Variants in AP1S3 observed in about 807,000 individuals in gnomAD.
AP1S3 encodes the protein AP-1 complex subunit sigma-3.
A neutral mutation model predicts 20.9 loss-of-function variants in AP1S3; 10 were observed. The ratio of observed to expected loss-of-function variants is 0.48; its 90% CI spans 0.29 to 0.81. AP1S3 has a LOEUF of 0.81. Among genes scored for constraint, AP1S3 ranks in the 30% least tolerant of loss-of-function variants. The pLI is 0.08. For synonymous variants in AP1S3, 41 were observed against 61.5 expected (o/e 0.67, Z 1.56); for missense variants, 154 against 183.8 (o/e 0.84, Z 0.94).
chr2:223,812,960 G>A (rs535816045), intron 1 of AP1S3, among the ~76,000 whole-genome samples: 1 of 151,686 alleles, frequency 6.6e-6, no homozygotes, highest in South Asian at 2.1e-4. Context: ...ATAGAGTCCT[G>A]TTCTGTCGCC....
intron 1 of AP1S3, among the ~76,000 whole-genome samples, chr2:223,801,318 G>C (rs7557995): frequency 0.33 from 50,749 of 152,030 alleles, 8,835 homozygotes; most frequent in Middle Eastern, 0.4. Flanking sequence ...TTTGATTCCA[G>C]AGCCCATTCT....
intron 1 of AP1S3, among the ~76,000 whole-genome samples, chr2:223,795,766 CAA>C (rs1691322822): frequency 6.6e-6 from 1 of 152,120 alleles, no homozygotes; most frequent in African/African-American, 2.4e-5. Flanking sequence ...ATAGGAAAAA[CAA>C]TGATAAGGAC....
intron 3 of AP1S3, among the ~76,000 whole-genome samples, chr2:223,774,224 G>T (rs1195296066): frequency 6.6e-6 from 1 of 152,150 alleles, no homozygotes; most frequent in African/African-American, 2.4e-5. Flanking sequence ...AATGAGCCGG[G>T]CATGGTGGCG....
At position 223,809,970 on chromosome 2, in the gene AP1S3, A is replaced by G. The variant is rs1008460386; in HGVS notation, c.3+27478T>C. On this transcript the variant is annotated intron_variant, in intron 1 of 4. Transcript: ENST00000396654. Reference sequence around the variant, plus strand: ...TCTCAAACTCCTGACCTCGTGATCCACCCGCCTCGGCCTCCCAAAGTGCTG... The same window carrying G: ...TCTCAAACTCCTGACCTCGTGATCCGCCCGCCTCGGCCTCCCAAAGTGCTG... Among the ~76,000 whole-genome samples the G allele has an allele frequency of 4.0e-5, 6 of 151,540 alleles. No homozygotes were observed. The South Asian group carries it at 1.3e-3, about 32-fold the overall frequency.
chr2:223,790,372 C>T (rs1006260280), intron 1 of AP1S3, among the ~76,000 whole-genome samples: 29 of 151,880 alleles, frequency 1.9e-4, no homozygotes, highest in African/African-American at 6.5e-4. Context: ...GCTGGGATTA[C>T]AGGCACCTGT....
rs542522966 is a variant in AP1S3 at position 223,759,064 on chromosome 2, T to C, written c.430-314A>G. 2.6e-5 allele frequency among the ~76,000 whole-genome samples: 4 copies of C among 152,156 alleles called. No homozygotes were observed. The South Asian group carries it at 8.3e-4, about 32-fold the overall frequency. ...ATACCAGCACTTTGGGAGGCTGAGG[T>C]GGGCAGATCACCTGAGGCCAGCCTG... is the stretch of plus-strand genomic sequence containing the variant. On this transcript the variant is annotated intron_variant, in intron 4 of 4. Transcript: ENST00000396654.
chr2:223,784,678 T>A (rs1232815245), intron 1 of AP1S3, among the ~76,000 whole-genome samples: 1 of 152,146 alleles, frequency 6.6e-6, no homozygotes, highest in Admixed American at 6.5e-5. Context: ...AGTGCCCATA[T>A]CTTTGGTTTC....
In AP1S3 at chr2:223,755,838, T is replaced by C; in HGVS notation, c.*2877A>G. The C allele has an allele frequency of 4.1e-6, 4 of 985,370 alleles. No individual in the cohort carries two copies. Among genetic ancestry groups the C allele is most frequent in the Non-Finnish European group, 4.8e-6 (4 of 829,900 alleles). The allele number at this position is 985,370 out of a possible 1,614,324, so 61.0% of individuals were successfully genotyped here. ...AGCCACCTTGCCCAGAAGAGATATATTTACTTTCTATGTGTGACACTGATT... is the reference window on the plus strand; with the variant it reads ...AGCCACCTTGCCCAGAAGAGATATACTTACTTTCTATGTGTGACACTGATT... On this transcript the variant is annotated 3_prime_UTR_variant, in exon 5 of 5. Transcript: ENST00000396654.
intron 1 of AP1S3, among the ~76,000 whole-genome samples, chr2:223,822,337 C>A (rs970076093): frequency 6.6e-6 from 1 of 151,640 alleles, no homozygotes; most frequent in African/African-American, 2.4e-5. Flanking sequence ...GAGCCATGAT[C>A]ACTCCACTGC....
chr2:223,837,462 C>T lies in AP1S3; in HGVS notation c.-12G>A. ...CCCGCACTCACCATCGTGGCTGGGC[C>T]GCCGCCTCCCCCGCCTTGCGAGCAA... On this transcript the variant is annotated 5_prime_UTR_variant, in exon 1 of 5. Coordinates refer to ENST00000396654, the MANE Select transcript of AP1S3 (RefSeq NM_001039569.2). 7.8e-7 allele frequency: 1 copy of T among 1,283,750 alleles called. No individual in the cohort carries two copies. The highest frequency in any genetic ancestry group is 9.9e-7 in the Non-Finnish European group (1 of 1,013,474). 79.5% of individuals were successfully genotyped at this position (1,283,750 alleles called of 1,614,324 possible).
chr2:223,793,622 A>G (rs916077120), intron 1 of AP1S3, among the ~76,000 whole-genome samples: 1 of 152,086 alleles, frequency 6.6e-6, no homozygotes, highest in Non-Finnish European at 1.5e-5. Context: ...ATCAGGAAGA[A>G]TAGCTAAGGG....
intron 1 of AP1S3, among the ~76,000 whole-genome samples, chr2:223,788,334 C>T (rs376647047): frequency 1.4e-5 from 2 of 147,150 alleles, no homozygotes; most frequent in Non-Finnish European, 3.0e-5. Flanking sequence ...GATATTTGGC[C>T]GGGCGTGGTG....
chr2:223,800,210 G>A lies in AP1S3; in HGVS notation c.4-22341C>T, dbSNP rs1183599907. ...AGCCTGGGCAACAAAGCGAGATTGC[G>A]TCTAAAAAAAAAAAAAAAAGAAAAA... On this transcript the variant is annotated intron_variant, in intron 1 of 4. Transcript: ENST00000396654. 2.4e-5 allele frequency among the ~76,000 whole-genome samples: 3 copies of A among 127,164 alleles called. No homozygotes were observed. In the East Asian group the frequency reaches 6.5e-4, roughly 28 times the overall value. The allele number at this position is 127,164 out of a possible 152,430, so 83.4% of individuals were successfully genotyped here. A position where few individuals can be genotyped will look rare whatever the true frequency, so the allele number is the denominator to read the frequency against.
intron 1 of AP1S3, among the ~76,000 whole-genome samples, chr2:223,780,236 T>G (rs1220772557): frequency 1.5e-5 from 2 of 135,838 alleles, no homozygotes; most frequent in African/African-American, 2.8e-5. Flanking sequence ...TCAGCCTCCC[T>G]GGTAGCTGGA....
Position 223,831,805 on chromosome 2 carries a change from G to C in AP1S3, c.3+5643C>G, listed in dbSNP as rs191836482. Reference sequence around the variant, plus strand: ...AGTACTTGTTCTGTTGGCCGGGCACGGTGGCTCATGCCTGTAATCCCAGCA... The same window carrying C: ...AGTACTTGTTCTGTTGGCCGGGCACCGTGGCTCATGCCTGTAATCCCAGCA... On this transcript the variant is annotated intron_variant, in intron 1 of 4. Transcript: ENST00000396654. 6.4e-3 allele frequency among the ~76,000 whole-genome samples: 970 copies of C among 152,236 alleles called. 6 individuals carry two copies. The highest frequency in any genetic ancestry group is 0.022 in the African/African-American group (919 of 41,546).
chr2:223,777,047 A>T lies in AP1S3; in HGVS notation c.182+644T>A, dbSNP rs371142241. Among the ~76,000 whole-genome samples, 23 of 152,378 alleles carry T rather than the reference A, an allele frequency of 1.5e-4. No individual in the cohort carries two copies. In the South Asian group the frequency reaches 1.9e-3, roughly 12 times the overall value. On this transcript the variant is annotated intron_variant, in intron 2 of 4. Coordinates refer to ENST00000396654, the MANE Select transcript of AP1S3 (RefSeq NM_001039569.2). The stretch of plus-strand genomic sequence containing the variant: ...GTTACTTAATAAATATGTATACTAC[A>T]TGACAGCAGGAATGTCATCTGTCTT...
At chr2:223,832,099 G>A (rs1309738967) in intron 1 of AP1S3, among the ~76,000 whole-genome samples, 21 of 139,778 alleles carry the variant, frequency 1.5e-4, no homozygotes, top group East Asian at 4.3e-4. Context: ...ATCAAAAAAA[G>A]GACTTATTCT....
chr2:223,825,687 G>GTT (rs35962834), intron 1 of AP1S3, among the ~76,000 whole-genome samples: 48 of 151,910 alleles, frequency 3.2e-4, no homozygotes, highest in Middle Eastern at 6.8e-3. Context: ...TATTTGTGGG[G>GTT]TTTTTTTTCC....
chr2:223,814,499 G>A (rs1460496782), intron 1 of AP1S3, among the ~76,000 whole-genome samples: 1 of 152,150 alleles, frequency 6.6e-6, no homozygotes, highest in Non-Finnish European at 1.5e-5. Flanking sequence ...TACTTGAAAG[G>A]TAACATTTAG....
Sources: gnomAD v4.1 joint callset for allele counts (sites outside exome capture counted in the v4.1 genomes callset) on GRCh38, gnomAD v4.1.1 for gene constraint, MANE v1.5 for transcripts, NCBI Gene and HGNC (gene_info 2026-07-23, HGNC 2026-07-21) for gene names.